Variants in PLCL2 observed in about 807,000 individuals in gnomAD.
PLCL2 encodes inactive phospholipase C-like protein 2.
In PLCL2, 4 loss-of-function variants were observed where a neutral mutation model predicts 79.6. The ratio of observed to expected loss-of-function variants is 0.05; its 90% CI spans 0.02 to 0.11. The LOEUF (loss-of-function observed/expected upper bound fraction) is 0.11. Ranked by LOEUF, PLCL2 falls within the 10% of genes least tolerant of loss-of-function variation. PLCL2 has a pLI of 1.00. For missense variants in PLCL2, 895 were observed against 1,291.0 expected (o/e 0.69, Z 4.70); for synonymous variants, 484 against 457.7 (o/e 1.06, Z -0.73).
At chr3:17,031,499 G>C (rs775251572) in intron 3 of PLCL2, among the ~76,000 whole-genome samples, 1 of 152,148 alleles carries the variant, frequency 6.6e-6, no homozygotes, top group Non-Finnish European at 1.5e-5. Context: ...TAAGGATGTC[G>C]TGTAAACATA....
At chr3:17,026,674 C>T (rs780882461) in intron 3 of PLCL2, among the ~76,000 whole-genome samples, 1 of 152,068 alleles carries the variant, frequency 6.6e-6, no homozygotes, top group Non-Finnish European at 1.5e-5. Context: ...TTGAGACCAG[C>T]CTGGCCGACA....
intron 4 of PLCL2, among the ~76,000 whole-genome samples, chr3:17,063,896 T>G (rs965893762): frequency 1.3e-5 from 2 of 152,198 alleles, no homozygotes; most frequent in East Asian, 1.9e-4. Flanking sequence ...CTTGACTTCT[T>G]GAGGGAGTGG....
intron 5 of PLCL2, among the ~76,000 whole-genome samples, chr3:17,069,839 CT>C (rs2065045963): frequency 6.6e-6 from 1 of 152,144 alleles, no homozygotes; most frequent in South Asian, 2.1e-4. Context: ...CACATATGTA[CT>C]TTTCTTATAT....
At chr3:16,918,241 G>T (rs1173686717) in intron 1 of PLCL2, among the ~76,000 whole-genome samples, 1 of 152,132 alleles carries the variant, frequency 6.6e-6, no homozygotes, top group African/African-American at 2.4e-5. Context: ...AAACCAGGAA[G>T]ACAAAAGGAG....
chr3:16,962,192 A>G (rs1371627850), intron 1 of PLCL2, among the ~76,000 whole-genome samples: 4 of 152,188 alleles, frequency 2.6e-5, no homozygotes, highest in Admixed American at 2.0e-4. Context: ...AGAGAAAGGG[A>G]TATTAGAGAA....
intron 1 of PLCL2, among the ~76,000 whole-genome samples, chr3:16,895,327 T>C (rs903437178): frequency 6.6e-6 from 1 of 152,210 alleles, no homozygotes; most frequent in Non-Finnish European, 1.5e-5. Context: ...AAGATAGTCA[T>C]TTATTTAACC....
In PLCL2 at chr3:16,910,277, G is replaced by A. The variant is rs574271396; in HGVS notation, c.327+24911G>A. On this transcript the variant is annotated intron_variant, in intron 1 of 5. Coordinates refer to ENST00000615277, the MANE Select transcript of PLCL2 (RefSeq NM_001144382.2). Reference sequence around the variant, plus strand: ...CTTGCTCCTGTTTTTTTTTAAAGCTGCTCCCTTCAGGTCCTCACTGTCACT... The same window carrying A: ...CTTGCTCCTGTTTTTTTTTAAAGCTACTCCCTTCAGGTCCTCACTGTCACT... Among the ~76,000 whole-genome samples, 5 of 151,708 alleles carry A rather than the reference G, an allele frequency of 3.3e-5. No homozygotes were observed. The East Asian group carries it at 5.8e-4, about 18-fold the overall frequency.
rs1696180252 is a variant in PLCL2, at chr3:16,885,124, A to C, written c.85A>C (p.Lys29Gln). 2.1e-6 allele frequency: 1 copy of C among 470,830 alleles called. No homozygotes were observed. Among genetic ancestry groups the C allele is most frequent in the African/African-American group, 2.0e-5 (1 of 48,854 alleles). The allele number at this position is 470,830 out of a possible 1,614,324, so 29.2% of individuals were successfully genotyped here. The change falls in exon 1 of 6, where the codon AAA becomes CAA. Residue 29 changes from lysine to glutamine, a missense_variant. By Grantham distance (53) the Lys-to-Gln change is moderately conservative (BLOSUM62 1). Around this residue, in one of 6 missense-constraint regions of PLCL2, gnomAD observed 110 missense variants for 42.9 expected, o/e 2.56. Transcript: ENST00000615277. ...GGCCCTCGGCGCCAAGGGCGCCCTG[A>C]AAGCCGGAGTGGGGGAAGGCGGTGG... ...GPALGAKGALKAGVGEGGGGG... is the reference protein window; with the variant it reads ...GPALGAKGALQAGVGEGGGGG...
At chr3:17,070,131 T>TGGTC (rs1266340058) in intron 5 of PLCL2, among the ~76,000 whole-genome samples, 1 of 152,230 alleles carries the variant, frequency 6.6e-6, no homozygotes, top group Non-Finnish European at 1.5e-5. Flanking sequence ...TACTCATGTG[T>TGGTC]GGTCCGGGAA....
At chr3:16,955,909 C>G (rs1373922411) in intron 1 of PLCL2, among the ~76,000 whole-genome samples, 1 of 152,190 alleles carries the variant, frequency 6.6e-6, no homozygotes, top group Non-Finnish European at 1.5e-5. Context: ...AGTTGCTTAT[C>G]AGCTTAAGGA....
intron 1 of PLCL2, among the ~76,000 whole-genome samples, chr3:16,958,979 C>T (rs1057309420): frequency 3.9e-5 from 6 of 152,128 alleles, no homozygotes; most frequent in African/African-American, 1.4e-4. Flanking sequence ...CAAACCTCAC[C>T]AACACCTCAG....
intron 3 of PLCL2, among the ~76,000 whole-genome samples, chr3:17,032,012 T>G (rs548959932): frequency 3.3e-5 from 5 of 150,142 alleles, no homozygotes; most frequent in African/African-American, 1.2e-4. Flanking sequence ...TCAAAACTCC[T>G]TCCATTTTTT....
intron 1 of PLCL2, among the ~76,000 whole-genome samples, chr3:16,979,866 C>T (rs545700405): frequency 2.7e-4 from 40 of 150,710 alleles, no homozygotes; most frequent in Non-Finnish European, 4.7e-4. Flanking sequence ...ACCTCCCAGA[C>T]GGGGTGGTGG....
intron 1 of PLCL2, among the ~76,000 whole-genome samples, chr3:17,003,132 TG>T (rs1296152398): frequency 6.6e-6 from 1 of 152,208 alleles, no homozygotes; most frequent in Non-Finnish European, 1.5e-5. Flanking sequence ...CTCTTGACAA[TG>T]TTTTTTTGTT....
In PLCL2 at chr3:17,011,073, G is replaced by C. The variant is rs2064316344; in HGVS notation, c.1727G>C (p.Cys576Ser). Residue 576 changes from cysteine to serine, a missense_variant, in exon 2 of 6, where the codon TGC becomes TCC. Transcript: ENST00000615277. This position sits in a 1 kb window ranked among gnomAD's most constrained non-coding sequence, Gnocchi z 7.9. ...LIKAKKLSSNCSGVEGDVTDE... is the reference protein window; with the variant it reads ...LIKAKKLSSNSSGVEGDVTDE... ...AAAGCAAAGAAGCTGTCCTCAAATT[G>C]CTCTGGGGTAGAAGGAGATGTTACT... 2 of 1,613,956 alleles carry C rather than the reference G, an allele frequency of 1.2e-6. No individual in the cohort carries two copies. Among genetic ancestry groups the C allele is most frequent in the Admixed American group, 1.7e-5 (1 of 59,990 alleles).
At chr3:16,933,378 A>G (rs1188975615) in intron 1 of PLCL2, 1 of 154,438 alleles carries the variant, frequency 6.5e-6, no homozygotes, top group East Asian at 1.9e-4. Flanking sequence ...TAAAACGCTT[A>G]CGACTACTTA....
intron 1 of PLCL2, among the ~76,000 whole-genome samples, chr3:16,910,447 C>T (rs531264083): frequency 6.6e-6 from 1 of 152,212 alleles, no homozygotes; most frequent in East Asian, 1.9e-4. Context: ...ACTTACTTCG[C>T]TTGGCTTCCA....
intron 3 of PLCL2, among the ~76,000 whole-genome samples, chr3:17,042,040 T>C (rs889869397): frequency 6.6e-6 from 1 of 152,222 alleles, no homozygotes; most frequent in Non-Finnish European, 1.5e-5. Context: ...AGATGAGTAA[T>C]ATTATAATGC....
intron 4 of PLCL2, among the ~76,000 whole-genome samples, chr3:17,066,134 T>C (rs1303671895): frequency 6.6e-6 from 1 of 151,940 alleles, no homozygotes; most frequent in Non-Finnish European, 1.5e-5. Context: ...GTGTGTGGCA[T>C]TGGGGTGGAA....
Sources: allele counts gnomAD v4.1 joint callset (sites outside exome capture counted in the v4.1 genomes callset), GRCh38; gene constraint gnomAD v4.1.1; regional missense constraint gnomAD v4.1.1; non-coding constraint Gnocchi (gnomAD v3.1); transcripts MANE v1.5; gene names NCBI Gene and HGNC (gene_info 2026-07-23, HGNC 2026-07-21).